SLC45A2: variants seen among roughly 807,000 people sequenced by gnomAD.
SLC45A2 encodes solute carrier family 45 member 2.
A neutral mutation model predicts 45.5 loss-of-function variants in SLC45A2; 36 were observed. The ratio of observed to expected loss-of-function variants is 0.79; its 90% confidence interval spans 0.61 to 1.04. SLC45A2 has a LOEUF of 1.04. Among genes scored for constraint, SLC45A2 ranks in the 50% least tolerant of loss-of-function variants. The pLI, the probability that SLC45A2 is intolerant of heterozygous loss-of-function variation, is 0.00. For synonymous variants in SLC45A2, 306 were observed against 269.3 expected (o/e 1.14, Z -1.33); for missense variants, 719 against 671.0 (o/e 1.07, Z -0.79).
intron 2 of SLC45A2, among the ~76,000 whole-genome samples, chr5:33,969,065 C>CTCTCG: frequency 7.8e-5 from 8 of 102,392 alleles, no homozygotes; most frequent in Admixed American, 2.0e-4. Context: ...CTCTCTCTCT[C>CTCTCG]TGTGTGTGTG....
In SLC45A2 at chr5:33,954,447, G is replaced by C; in HGVS notation, c.946C>G (p.His316Asp). 6.2e-7 allele frequency: 1 copy of C among 1,614,118 alleles called. No individual in the cohort carries two copies. The highest frequency in any genetic ancestry group is 8.5e-7 in the Non-Finnish European group (1 of 1,180,002). The change falls in exon 4 of 7, where the codon CAC becomes GAC. Residue 316 changes from histidine (H) to aspartate (D), a missense_variant. By Grantham distance (81) the His-to-Asp change is moderately conservative (BLOSUM62 -1). Transcript: ENST00000296589. ...LLRALVNMPP[H>D]YRYLCISHLI... ...TGGCTGATGCAAAGGTAGCGGTAGT[G>C]AGGAGGCATGTTCACCAGTGCTCTC...
chr5:33,957,082 T>C (rs2111937597), intron 3 of SLC45A2, among the ~76,000 whole-genome samples: 1 of 152,214 alleles, frequency 6.6e-6, no homozygotes, highest in African/African-American at 2.4e-5. Flanking sequence ...ATTGAGAGAA[T>C]GAGAAACTTT....
At chr5:33,968,150 C>T (rs560012229) in intron 2 of SLC45A2, among the ~76,000 whole-genome samples, 11 of 152,206 alleles carry the variant, frequency 7.2e-5, no homozygotes, top group African/African-American at 2.4e-4. Flanking sequence ...TATTTGCTGC[C>T]TCAGATATGA....
In SLC45A2 at chr5:33,959,956, CA is replaced by C. The variant is rs547586093; in HGVS notation, c.888+3734del. On this transcript the variant is annotated intron_variant, in intron 3 of 6. Transcript: ENST00000296589. ...TTTTATTTATATACATAACTGTATA[CA>C]AAAAAATGAGGTTTTCTACTGACTA... Among the ~76,000 whole-genome samples the C allele has an allele frequency of 9.2e-5, 14 of 151,928 alleles. No homozygotes were observed. The South Asian group carries it at 1.7e-3, about 18-fold the overall frequency.
chr5:33,964,809 T>C (rs1208105802), intron 2 of SLC45A2, among the ~76,000 whole-genome samples: 1 of 152,222 alleles, frequency 6.6e-6, no homozygotes, highest in African/African-American at 2.4e-5. Context: ...TTATTCCTTT[T>C]TTGAGTTTCT....
chr5:33,946,136 C>T (rs1360920142), intron 6 of SLC45A2: 11 of 985,260 alleles, frequency 1.1e-5, no homozygotes, highest in Non-Finnish European at 1.3e-5. Flanking sequence ...GAGCCTGAAG[C>T]GTAGGTTTTC....
chr5:33,984,532 C>G lies in SLC45A2; in HGVS notation c.52G>C (p.Asp18His), dbSNP rs888610793. 1 of 1,612,810 alleles carries G rather than the reference C, an allele frequency of 6.2e-7. No homozygotes were observed. The highest frequency in any genetic ancestry group is 8.5e-7 in the Non-Finnish European group (1 of 1,180,030). Residue 18 changes from aspartate (D) to histidine (H), a missense_variant, in exon 1 of 7, where the codon GAT becomes CAT. Coordinates refer to ENST00000296589, the MANE Select transcript of SLC45A2 (RefSeq NM_016180.5). ...TCCACAGAGTCAAAGGGGCCATCAT[C>G]AGCTAGGGATTTATAGATGTGGCGG... is the stretch of plus-strand genomic sequence containing the variant. The part of the protein sequence containing the change: ...AGRHIYKSLA[D>H]DGPFDSVEPP...
At chr5:33,968,655 A>G (rs1579551940) in intron 2 of SLC45A2, among the ~76,000 whole-genome samples, 1 of 151,960 alleles carries the variant, frequency 6.6e-6, no homozygotes, top group East Asian at 1.9e-4. Flanking sequence ...CACAACTATG[A>G]CAGGTAAAAT....
chr5:33,971,315 C>A, intron 2 of SLC45A2: 1 of 515,890 alleles, frequency 1.9e-6, no homozygotes, highest in South Asian at 1.4e-5. Flanking sequence ...ACTTACAAAC[C>A]CAGTTATTCC....
chr5:33,960,700 C>A (rs980726031), intron 3 of SLC45A2, among the ~76,000 whole-genome samples: 11 of 152,082 alleles, frequency 7.2e-5, no homozygotes, highest in African/African-American at 2.4e-4. Context: ...TCTCACAAAT[C>A]ACCACTAAAG....
chr5:33,973,555 C>T (rs1752843891), intron 2 of SLC45A2, among the ~76,000 whole-genome samples: 3 of 152,174 alleles, frequency 2.0e-5, no homozygotes, highest in Admixed American at 6.5e-5. Context: ...GTTTCAATTT[C>T]GTTTTTAAGA....
chr5:33,967,132 C>T (rs1033963417), intron 2 of SLC45A2, among the ~76,000 whole-genome samples: 1 of 152,186 alleles, frequency 6.6e-6, no homozygotes, highest in Non-Finnish European at 1.5e-5. Flanking sequence ...AAGATAGCTA[C>T]TGCACTGAAC....
chr5:33,947,091 T>G, intron 6 of SLC45A2, 72 bp downstream of exon 6: 4 of 1,614,000 alleles, frequency 2.5e-6, no homozygotes, highest in Non-Finnish European at 8.5e-7. Context: ...CTCTACACAT[T>G]GCTACCAAAT....
Position 33,969,065 on chromosome 5 carries a change from C to CTCTCTCTCTCTCTCTCTCTG in SLC45A2, c.563-5050_563-5049insCAGAGAGAGAGAGAGAGAGA. Among the ~76,000 whole-genome samples, 539 of 102,432 alleles carry CTCTCTCTCTCTCTCTCTCTG rather than the reference C, an allele frequency of 5.3e-3. 2 individuals are homozygous for CTCTCTCTCTCTCTCTCTCTG. The highest frequency in any genetic ancestry group is 9.7e-3 in the Middle Eastern group (2 of 206). The allele number at this position is 102,432 out of a possible 152,430, so 67.2% of individuals were successfully genotyped here. A position where few individuals can be genotyped will look rare whatever the true frequency, so the allele number is the denominator to read the frequency against. Reference sequence around the variant, plus strand: ...AGCTACTCTCTCTCTCTCTCTCTCTCTGTGTGTGTGTGTGTGTGTGTGTGT... The same window carrying CTCTCTCTCTCTCTCTCTCTG: ...AGCTACTCTCTCTCTCTCTCTCTCTCTCTCTCTCTCTCTCTCTCTGTGTGTGTGTGTGTGTGTGTGTGTGT... On this transcript the variant is annotated intron_variant, in intron 2 of 6. Transcript: ENST00000296589.
chr5:33,979,939 T>C (rs1753028622), intron 2 of SLC45A2, among the ~76,000 whole-genome samples: 1 of 152,170 alleles, frequency 6.6e-6, no homozygotes, highest in South Asian at 2.1e-4. Flanking sequence ...TGTCTTTTAA[T>C]GTCAAGGCAG....
intron 2 of SLC45A2, among the ~76,000 whole-genome samples, chr5:33,981,389 A>T (rs1055268317): frequency 6.6e-6 from 1 of 152,236 alleles, no homozygotes; most frequent in Admixed American, 6.5e-5. Context: ...CTACCTGGCC[A>T]TGGAAGGAGA....
intron 2 of SLC45A2, among the ~76,000 whole-genome samples, 197 bp downstream of exon 2, chr5:33,982,039 T>C (rs143193440): frequency 1.3e-4 from 20 of 152,354 alleles, no homozygotes; most frequent in Admixed American, 3.3e-4. Context: ...TAAACTTCCT[T>C]TGCAGAAACT....
intron 3 of SLC45A2, 40 bp downstream of exon 3, chr5:33,963,651 G>T (rs141504893): frequency 4.4e-6 from 7 of 1,594,680 alleles, no homozygotes; most frequent in South Asian, 2.2e-5. Flanking sequence ...CAAAGAGCAA[G>T]AATATTTTCC....
intron 2 of SLC45A2, among the ~76,000 whole-genome samples, chr5:33,977,165 T>G (rs1458355195): frequency 6.6e-6 from 1 of 152,252 alleles, no homozygotes; most frequent in Non-Finnish European, 1.5e-5. Context: ...AGAAGGCGGC[T>G]GTCTGCCAGC....
Sources: allele counts gnomAD v4.1 joint callset (sites outside exome capture counted in the v4.1 genomes callset), GRCh38; gene constraint gnomAD v4.1.1; transcripts MANE v1.5; gene names NCBI Gene and HGNC (gene_info 2026-07-23, HGNC 2026-07-21).